SORBS2: variants seen among roughly 807,000 people sequenced by gnomAD.
SORBS2 encodes the protein sorbin and SH3 domain containing 2, also known as sorbin and SH3 domain-containing protein 2.
In SORBS2, 46 loss-of-function variants were observed where a neutral mutation model predicts 97.7. That is an observed-to-expected ratio of 0.47 (90% CI 0.37 to 0.60). The LOEUF (loss-of-function observed/expected upper bound fraction) is 0.60, where lower values mean the gene tolerates loss of function less well. Ranked by LOEUF, SORBS2 falls within the 20% of genes least tolerant of loss-of-function variation. SORBS2 has a pLI of 0.00. For missense variants in SORBS2, 1,316 were observed against 1,282.3 expected, an observed-to-expected ratio of 1.03 and a Z score of -0.40; for synonymous variants, 476 against 473.4, an observed-to-expected ratio of 1.01 and a Z score of -0.07.
intron 1 of SORBS2, among the ~76,000 whole-genome samples, chr4:185,796,589 G>A (rs13127540): frequency 3.9e-3 from 224 of 57,046 alleles, no homozygotes; most frequent in East Asian, 8.1e-3. Context: ...TGGTCACGGT[G>A]GGGCTGGGCA....
intron 2 of SORBS2, among the ~76,000 whole-genome samples, chr4:185,766,401 G>A (rs947215333): frequency 3.3e-5 from 5 of 152,116 alleles, no homozygotes; most frequent in Non-Finnish European, 5.9e-5. Context: ...GTCTTCAACA[G>A]TTTTTGTTTT....
intron 1 of SORBS2, among the ~76,000 whole-genome samples, chr4:185,947,271 A>C (rs1375627726): frequency 6.6e-6 from 1 of 152,180 alleles, no homozygotes; most frequent in Non-Finnish European, 1.5e-5. Flanking sequence ...AGTCAGGGAA[A>C]TCTCACAATC....
At chr4:185,637,793 T>C (rs1439888953) in intron 4 of SORBS2, among the ~76,000 whole-genome samples, 1 of 152,088 alleles carries the variant, frequency 6.6e-6, no homozygotes, top group Non-Finnish European at 1.5e-5. Flanking sequence ...GCTGTAATAA[T>C]TGTCTGAATA....
In SORBS2 at chr4:185,936,646, C is replaced by G. The variant is rs184663436; in HGVS notation, c.-338+19550G>C. The stretch of plus-strand genomic sequence containing the variant: ...TGATAATAGTGTGATAACCATAAAT[C>G]CCATATTTCTGATCATTCCCAGTTT... On this transcript the variant is annotated intron_variant, in intron 1 of 20. Coordinates refer to the SORBS2 transcript ENST00000284776. Among the ~76,000 whole-genome samples, 69 of 152,316 alleles carry G rather than the reference C, an allele frequency of 4.5e-4. No individual in the cohort carries two copies. In the East Asian group the frequency reaches 0.013, roughly 28 times the overall value.
exon 12 of SORBS2, chr4:185,611,975 A>G (rs1580927688): frequency 1.3e-6 from 2 of 1,589,212 alleles, no homozygotes; most frequent in East Asian, 2.2e-5. Flanking sequence ...GAATAACTCT[A>G]TCTCCCTGTT....
intron 1 of SORBS2, among the ~76,000 whole-genome samples, chr4:185,928,788 C>T (rs1048429574): frequency 2.6e-5 from 4 of 152,134 alleles, no homozygotes; most frequent in Non-Finnish European, 4.4e-5. Flanking sequence ...CCTCGTGATC[C>T]GCCCACCTCG....
intron 12 of SORBS2, 121 bp downstream of exon 24, chr4:185,611,659 A>G (rs2096541095): frequency 1.4e-6 from 1 of 722,724 alleles, no homozygotes; most frequent in Non-Finnish European, 2.3e-6. Flanking sequence ...TAGAAACATA[A>G]TATGTAAATC....
At chr4:185,901,481 G>A (rs1281425142) in intron 1 of SORBS2, among the ~76,000 whole-genome samples, 1 of 152,116 alleles carries the variant, frequency 6.6e-6, no homozygotes, top group Non-Finnish European at 1.5e-5. Flanking sequence ...TGAGATTACA[G>A]GTGTGAGCTA....
chr4:185,892,130 G>T (rs2099242836), intron 1 of SORBS2, among the ~76,000 whole-genome samples: 1 of 152,112 alleles, frequency 6.6e-6, no homozygotes, highest in Non-Finnish European at 1.5e-5. Context: ...GTTAGATTGG[G>T]TGCTAAGTTA....
intron 5 of SORBS2, among the ~76,000 whole-genome samples, chr4:185,627,882 C>T (rs528185150): frequency 8.6e-5 from 10 of 116,894 alleles, no homozygotes; most frequent in Admixed American, 5.7e-4. Context: ...TCTTTCCACA[C>T]GGCCTCCACA....
intron 1 of SORBS2, among the ~76,000 whole-genome samples, chr4:185,838,119 C>A (rs1454002644): frequency 1.3e-5 from 2 of 152,248 alleles, no homozygotes; most frequent in African/African-American, 2.4e-5. Context: ...ATTTACAGCA[C>A]CTGGTTGTAG....
At chr4:185,790,071 G>A (rs1269697351) in intron 1 of SORBS2, among the ~76,000 whole-genome samples, 1 of 151,546 alleles carries the variant, frequency 6.6e-6, no homozygotes, top group Non-Finnish European at 1.5e-5. Context: ...GTTGAAACAT[G>A]TCTCTAATTT....
chr4:185,868,196 A>T (rs1419451528), intron 1 of SORBS2, among the ~76,000 whole-genome samples: 1 of 113,042 alleles, frequency 8.8e-6, no homozygotes, highest in Non-Finnish European at 1.7e-5. Context: ...TCACTCTGTC[A>T]CCCAGGCTGG....
chr4:185,905,334 T>C (rs1355046579), intron 1 of SORBS2, among the ~76,000 whole-genome samples: 3 of 152,204 alleles, frequency 2.0e-5, no homozygotes, highest in African/African-American at 7.2e-5. Context: ...AACAATCATT[T>C]AAGGGTGTAT....
rs746537483 is a variant in SORBS2, at chr4:185,635,336, G to C, written c.397-4738C>G. ...CTCTAAGGGAGATATCTGAAAAAGA[G>C]AGAATAACGTGTTTTTACCTCATTG... On this transcript the variant is annotated intron_variant, in intron 4 of 14. Transcript: ENST00000418609. 1.9e-6 allele frequency: 3 copies of C among 1,578,694 alleles called. No individual in the cohort carries two copies. Among genetic ancestry groups the C allele is most frequent in the Non-Finnish European group, 2.6e-6 (3 of 1,148,248 alleles).
At chr4:185,920,339 A>G (rs2099260387) in intron 1 of SORBS2, among the ~76,000 whole-genome samples, 1 of 152,156 alleles carries the variant, frequency 6.6e-6, no homozygotes, top group Non-Finnish European at 1.5e-5. Context: ...CTCTGTCCCA[A>G]GGTTTGTGTA....
chr4:185,896,570 G>A (rs769606894), intron 1 of SORBS2, among the ~76,000 whole-genome samples: 1 of 152,196 alleles, frequency 6.6e-6, no homozygotes, highest in Non-Finnish European at 1.5e-5. Flanking sequence ...GGTGACAAGA[G>A]CAAAGCTCTG....
chr4:185,643,872 C>A (rs1466364977), intron 4 of SORBS2, among the ~76,000 whole-genome samples: 1 of 152,168 alleles, frequency 6.6e-6, no homozygotes, highest in African/African-American at 2.4e-5. Flanking sequence ...CAGCGCTGGC[C>A]ATCGCTGCGA....
chr4:185,690,547 TA>T lies in SORBS2; in HGVS notation c.-197-11726del. 6.6e-7 allele frequency: 1 copy of T among 1,510,620 alleles called. No homozygotes were observed. Among genetic ancestry groups the T allele is most frequent in the Non-Finnish European group, 8.9e-7 (1 of 1,117,674 alleles). The allele number at this position is 1,510,620 out of a possible 1,614,324, so 93.6% of individuals were successfully genotyped here. On this transcript the variant is annotated intron_variant, in intron 2 of 20. Coordinates refer to the SORBS2 transcript ENST00000284776. The stretch of plus-strand genomic sequence containing the variant: ...GAGCAAGGCTAAAAGAGTTTAAAAC[TA>T]ACAGACAGCATACCTGTGTTCATTT...
Sources: allele counts gnomAD v4.1 joint callset (sites outside exome capture counted in the v4.1 genomes callset), GRCh38; gene constraint gnomAD v4.1.1; transcripts MANE v1.5; gene names NCBI Gene and HGNC (gene_info 2026-07-23, HGNC 2026-07-21).